THADA: variants seen among roughly 807,000 people sequenced by gnomAD.
THADA encodes the protein THADA armadillo repeat containing.
A neutral mutation model predicts 219.8 loss-of-function variants in THADA; 213 were observed. That is an observed-to-expected ratio of 0.97 (90% CI 0.87 to 1.09). The LOEUF is 1.09. Among genes scored for constraint, THADA ranks in the 50% least tolerant of loss-of-function variants. THADA has a pLI of 0.00. For missense variants in THADA, 2,956 were observed against 2,311.3 expected, an observed-to-expected ratio of 1.28 and a Z score of -5.72; for synonymous variants, 1,018 against 828.9, an observed-to-expected ratio of 1.23 and a Z score of -3.92.
intron 26 of THADA, among the ~76,000 whole-genome samples, chr2:43,482,228 T>C (rs893192919): frequency 6.6e-6 from 1 of 152,202 alleles, no homozygotes; most frequent in Non-Finnish European, 1.5e-5. Flanking sequence ...GTGAAACTTC[T>C]GTTTTCTCAT....
At chr2:43,500,504 G>A (rs1485863809) in intron 24 of THADA, among the ~76,000 whole-genome samples, 1 of 152,154 alleles carries the variant, frequency 6.6e-6, no homozygotes, top group East Asian at 1.9e-4. Flanking sequence ...AGATATGCAA[G>A]AATGCAAAGA....
At chr2:43,589,603 G>A (rs1280276886) in intron 4 of THADA, among the ~76,000 whole-genome samples, 1 of 152,182 alleles carries the variant, frequency 6.6e-6, no homozygotes, top group East Asian at 1.9e-4. Context: ...AACATCATAT[G>A]TTCTCACTCA....
At chr2:43,367,979 G>A (rs1043938155) in intron 29 of THADA, among the ~76,000 whole-genome samples, 3 of 152,016 alleles carry the variant, frequency 2.0e-5, no homozygotes, top group African/African-American at 7.2e-5. Flanking sequence ...TTAGCCAGGC[G>A]TGGTGGCAAG....
At chr2:43,581,503 CACT>C (rs1381929975) in intron 8 of THADA, among the ~76,000 whole-genome samples, 1 of 143,980 alleles carries the variant, frequency 6.9e-6, no homozygotes, top group Non-Finnish European at 1.5e-5. Flanking sequence ...AACATCACGC[CACT>C]ACACTCCAGC....
At chr2:43,464,026 T>C (rs1171886947) in intron 26 of THADA, among the ~76,000 whole-genome samples, 1 of 152,218 alleles carries the variant, frequency 6.6e-6, no homozygotes, top group African/African-American at 2.4e-5. Flanking sequence ...TATAAGGTAG[T>C]ATATTTTATT....
At position 43,586,610 on chromosome 2, in the gene THADA, C is replaced by A. The variant is rs1275320529; in HGVS notation, c.484+92G>T. 7 of 1,417,004 alleles carry A rather than the reference C, an allele frequency of 4.9e-6. No homozygotes were observed. The East Asian group carries it at 1.6e-4, about 33-fold the overall frequency. The allele number at this position is 1,417,004 out of a possible 1,614,324, so 87.8% of individuals were successfully genotyped here. ...ATGTACCTAAGTTATCTACAATGCTCTACCTATTACCAAGAAACTTAAAAG... is the reference window on the plus strand; with the variant it reads ...ATGTACCTAAGTTATCTACAATGCTATACCTATTACCAAGAAACTTAAAAG... On this transcript the variant is annotated intron_variant, in intron 6 of 37. Coordinates refer to ENST00000405975, the MANE Select transcript of THADA (RefSeq NM_022065.5).
intron 29 of THADA, 99 bp from the exon 30 acceptor site, chr2:43,344,336 G>T (rs1000850513): frequency 6.4e-6 from 5 of 782,558 alleles, no homozygotes; most frequent in Non-Finnish European, 1.0e-5. Context: ...TCCCCTCAAA[G>T]AAAACAGACA....
intron 26 of THADA, among the ~76,000 whole-genome samples, chr2:43,478,880 C>A (rs1035422306): frequency 6.6e-5 from 10 of 152,158 alleles, no homozygotes; most frequent in Non-Finnish European, 1.5e-4. Context: ...AAACTTGAAA[C>A]ATGAAACTCT....
In THADA at chr2:43,532,768, A is replaced by G. The variant is rs372742979; in HGVS notation, c.3265-4780T>C. On this transcript the variant is annotated intron_variant, in intron 21 of 37. Transcript: ENST00000405975. ...TTTGGCCAGAGCAATCAGGCAAGAG[A>G]AAGAAACAAAACCATAAAAACCCTA... Among the ~76,000 whole-genome samples, 12 of 152,220 alleles carry G rather than the reference A, an allele frequency of 7.9e-5. No individual in the cohort carries two copies. In the South Asian group the frequency reaches 1.2e-3, roughly 16 times the overall value.
At chr2:43,541,016 T>C (rs964114257) in intron 21 of THADA, 143 bp downstream of exon 21, 1 of 838,950 alleles carries the variant, frequency 1.2e-6, no homozygotes, top group African/African-American at 1.8e-5. Context: ...CATTCTAAAT[T>C]ACCATGAACT....
At chr2:43,389,859 T>C (rs1673137776) in intron 29 of THADA, among the ~76,000 whole-genome samples, 1 of 151,662 alleles carries the variant, frequency 6.6e-6, no homozygotes, top group African/African-American at 2.4e-5. Context: ...CTCGGCCACA[T>C]GCTTGGTGCA....
chr2:43,510,875 GCAGGAGAATCGCTTGAAC>G (rs1690324905), intron 22 of THADA, among the ~76,000 whole-genome samples: 1 of 151,792 alleles, frequency 6.6e-6, no homozygotes, highest in Non-Finnish European at 1.5e-5. Flanking sequence ...GGAGGCTGAA[GCAGGAGAATCGCTTGAAC>G]TCAGGAAGCA....
intron 24 of THADA, 82 bp from the exon 25 acceptor site, chr2:43,499,037 C>A: frequency 7.3e-7 from 1 of 1,371,464 alleles, no homozygotes; most frequent in South Asian, 1.7e-5. Flanking sequence ...AGTACAGCTT[C>A]AAAACAAAAA....
chr2:43,380,165 G>A (rs1005363400), intron 29 of THADA, among the ~76,000 whole-genome samples: 1 of 152,168 alleles, frequency 6.6e-6, no homozygotes, highest in South Asian at 2.1e-4. Flanking sequence ...AAAGTTTAAT[G>A]TACGCAAATG....
chr2:43,348,313 A>G (rs539811008), intron 29 of THADA, among the ~76,000 whole-genome samples: 1 of 152,164 alleles, frequency 6.6e-6, no homozygotes, highest in Non-Finnish European at 1.5e-5. Flanking sequence ...TGTCACCACT[A>G]TTACTATTGC....
At chr2:43,448,129 C>A (rs987994983) in intron 26 of THADA, among the ~76,000 whole-genome samples, 11 of 152,246 alleles carry the variant, frequency 7.2e-5, no homozygotes, top group African/African-American at 2.6e-4. Flanking sequence ...AAAGAATTCT[C>A]GAAAGATGAC....
rs190742439 is a variant in THADA at position 43,541,169 on chromosome 2, G to A, written c.3254C>T (p.Thr1085Met). 1.5e-4 allele frequency: 239 copies of A among 1,583,176 alleles called. 1 individual carries two copies. Among genetic ancestry groups the A allele is most frequent in the Non-Finnish European group, 1.7e-4 (203 of 1,168,960 alleles). Residue 1085 changes from threonine (T) to methionine (M), a missense_variant, in exon 21 of 38, where the codon ACG (threonine) becomes ATG (methionine). Thr to Met is a moderately conservative substitution (Grantham distance 81). Transcript: ENST00000405975. ...AAACATGTGCCTTACCTGCTCCACCGTCAATAATCCATCAGAAGATTCTGG... is the reference window on the plus strand; with the variant it reads ...AAACATGTGCCTTACCTGCTCCACCATCAATAATCCATCAGAAGATTCTGG... The part of the protein sequence containing the change: ...PVPESSDGLL[T>M]VEQVKEIGDY...
At chr2:43,502,688 C>T (rs1218004876) in intron 24 of THADA, among the ~76,000 whole-genome samples, 1 of 150,998 alleles carries the variant, frequency 6.6e-6, no homozygotes, top group African/African-American at 2.4e-5. Context: ...TCCAAATGTA[C>T]AACCATAAAG....
intron 24 of THADA, 120 bp downstream of exon 24, chr2:43,505,502 T>G: frequency 3.7e-5 from 23 of 616,148 alleles, no homozygotes; most frequent in Non-Finnish European, 4.4e-5. Context: ...TGCAGTGAGC[T>G]GAGATCGCGC....
Sources: gnomAD v4.1 joint callset for allele counts (sites outside exome capture counted in the v4.1 genomes callset) on GRCh38, gnomAD v4.1.1 for gene constraint, MANE v1.5 for transcripts, NCBI Gene and HGNC (gene_info 2026-07-23, HGNC 2026-07-21) for gene names.